The following SLC15A2 variants were observed in gnomAD, a reference collection of about 807,000 sequenced individuals.
SLC15A2 encodes solute carrier family 15 member 2, also known as kidney H(+)/peptide cotransporter.
In SLC15A2, 77 loss-of-function variants were observed where a neutral mutation model predicts 95.5. The ratio of observed to expected loss-of-function variants is 0.81; its 90% CI spans 0.67 to 0.97. The LOEUF is 0.97. SLC15A2 is among the 50% of genes least tolerant of loss of function. The pLI, the probability that SLC15A2 is intolerant of heterozygous loss-of-function variation, is 0.00. For synonymous variants in SLC15A2, 306 were observed against 306.9 expected (o/e 1.00, Z 0.03); for missense variants, 893 against 874.4 (o/e 1.02, Z -0.27).
In SLC15A2 at chr3:121,929,286, C is replaced by T; in HGVS notation, c.1507-16C>T. 6.2e-7 allele frequency: 1 copy of T among 1,613,412 alleles called. No individual in the cohort carries two copies. The highest frequency in any genetic ancestry group is 8.5e-7 in the Non-Finnish European group (1 of 1,179,636). Reference sequence around the variant, plus strand: ...TTTCATCAGCTGTTACTGATTTTTACTTTCCTCTGTTGTAGGTAAAGGATA... The same window carrying T: ...TTTCATCAGCTGTTACTGATTTTTATTTTCCTCTGTTGTAGGTAAAGGATA... On this transcript the variant is annotated splice_polypyrimidine_tract_variant and intron_variant, in intron 16 of 21. Transcript: ENST00000489711.
rs764344162 is a variant in SLC15A2 at position 121,897,561 on chromosome 3, G to C, written c.335+32G>C. 5.6e-6 allele frequency: 9 copies of C among 1,611,176 alleles called. No homozygotes were observed. The East Asian group carries it at 2.0e-4, about 36-fold the overall frequency. On this transcript the variant is annotated intron_variant, in intron 3 of 21. Coordinates refer to ENST00000489711, the MANE Select transcript of SLC15A2 (RefSeq NM_021082.4). ...AAGATGGGAGGTCACATCCCTACAA[G>C]TTTCACAGGTTGTGCAGAAGGCTAT...
chr3:121,900,959 G>A (rs1433965613), intron 3 of SLC15A2, among the ~76,000 whole-genome samples: 1 of 149,390 alleles, frequency 6.7e-6, no homozygotes, highest in South Asian at 2.1e-4. Flanking sequence ...ACCCACCCCA[G>A]TCATTTATAT....
rs143831416 is a variant in SLC15A2, at chr3:121,895,898, C to A, written c.106-508C>A. 3.9e-5 allele frequency among the ~76,000 whole-genome samples: 6 copies of A among 152,268 alleles called. No homozygotes were observed. The East Asian group carries it at 1.2e-3, about 29-fold the overall frequency. ...CTGTCCTCCATGTTGGGCTCTGTGC[C>A]TGACTCCAGCAGCCTCTGAAGTAGA... On this transcript the variant is annotated intron_variant, in intron 1 of 21. Transcript: ENST00000489711.
intron 13 of SLC15A2, among the ~76,000 whole-genome samples, chr3:121,926,687 A>C (rs984230825): frequency 6.6e-6 from 1 of 152,218 alleles, no homozygotes; most frequent in Non-Finnish European, 1.5e-5. Flanking sequence ...CCACAAGGAC[A>C]CTGCCTAGTG....
intron 19 of SLC15A2, among the ~76,000 whole-genome samples, chr3:121,936,480 T>G (rs1219729995): frequency 2.6e-5 from 4 of 152,122 alleles, no homozygotes; most frequent in Admixed American, 6.6e-5. Context: ...TTAGGATAGT[T>G]AGCTCTTCTT....
chr3:121,928,838 A>G (rs1190359505), intron 15 of SLC15A2, 144 bp from the exon 16 acceptor site: 4 of 899,096 alleles, frequency 4.4e-6, no homozygotes. Flanking sequence ...GTAAATTCCA[A>G]GAAATAAAAT....
At chr3:121,919,217 G>T (rs191602775) in intron 7 of SLC15A2, among the ~76,000 whole-genome samples, 1 of 152,202 alleles carries the variant, frequency 6.6e-6, no homozygotes, top group Non-Finnish European at 1.5e-5. Context: ...GAGCGGGAGC[G>T]TGTTACGGCT....
At chr3:121,920,702 AT>A (rs1395421216) in intron 7 of SLC15A2, among the ~76,000 whole-genome samples, 1 of 152,222 alleles carries the variant, frequency 6.6e-6, no homozygotes, top group Non-Finnish European at 1.5e-5. Flanking sequence ...AAAGGATGCT[AT>A]TTGGAGAAGC....
intron 17 of SLC15A2, among the ~76,000 whole-genome samples, chr3:121,930,566 G>A (rs1036515771): frequency 6.6e-6 from 1 of 152,212 alleles, no homozygotes; most frequent in African/African-American, 2.4e-5. Context: ...GAATGATCAT[G>A]ATAGTGTCCG....
chr3:121,930,742 A>G (rs953285307), intron 17 of SLC15A2, 98 bp from the exon 18 acceptor site: 3 of 681,790 alleles, frequency 4.4e-6, no homozygotes, highest in South Asian at 3.7e-5. Flanking sequence ...GCACCTGGGC[A>G]CTGGGGATAT....
chr3:121,937,893 G>C (rs895647336), intron 19 of SLC15A2, among the ~76,000 whole-genome samples: 3 of 151,496 alleles, frequency 2.0e-5, no homozygotes, highest in African/African-American at 7.3e-5. Context: ...CATCTTTGTG[G>C]TTTTATCTAC....
Position 121,941,134 on chromosome 3 carries a change from A to G in SLC15A2, c.*127A>G. The G allele has an allele frequency of 2.4e-6, 2 of 827,534 alleles. No homozygotes were observed. The highest frequency in any genetic ancestry group is 4.3e-5 in the South Asian group (2 of 47,032). 51.3% of individuals were successfully genotyped at this position (827,534 alleles called of 1,614,324 possible). A position where few individuals can be genotyped will look rare whatever the true frequency, so the allele number is the denominator to read the frequency against. On this transcript the variant is annotated 3_prime_UTR_variant, in exon 22 of 22. Coordinates refer to ENST00000489711, the MANE Select transcript of SLC15A2 (RefSeq NM_021082.4). ...TGATCTCCTCCACCTTTCTCCAATG[A>G]CAGAAGTTCCAGGACTGGTTTTCCA... is the stretch of plus-strand genomic sequence containing the variant.
rs1710454112 is a variant in SLC15A2 at position 121,941,014 on chromosome 3, C to T, written c.*7C>T. The T allele has an allele frequency of 6.2e-7, 1 of 1,611,244 alleles. No individual in the cohort carries two copies. The highest frequency in any genetic ancestry group is 1.7e-5 in the Admixed American group (1 of 59,722). ...CAAGAAGACAAAACTCTGATGACTCCCTAGATTCTGTCCTGACCCCAATTC... is the reference window on the plus strand; with the variant it reads ...CAAGAAGACAAAACTCTGATGACTCTCTAGATTCTGTCCTGACCCCAATTC... On this transcript the variant is annotated 3_prime_UTR_variant, in exon 22 of 22. Transcript: ENST00000489711.
Position 121,941,034 on chromosome 3 carries a change from C to A in SLC15A2, c.*27C>A. 1 of 1,596,424 alleles carries A rather than the reference C, an allele frequency of 6.3e-7. No individual in the cohort carries two copies. The highest frequency in any genetic ancestry group is 8.5e-7 in the Non-Finnish European group (1 of 1,172,478). ...GACTCCCTAGATTCTGTCCTGACCC[C>A]AATTCCTGGCCCTGTCTTGAAGCAT... is the stretch of plus-strand genomic sequence containing the variant. On this transcript the variant is annotated 3_prime_UTR_variant, in exon 22 of 22. Transcript: ENST00000489711.
At chr3:121,903,649 T>C (rs923122308) in intron 3 of SLC15A2, among the ~76,000 whole-genome samples, 4 of 152,170 alleles carry the variant, frequency 2.6e-5, no homozygotes, top group African/African-American at 9.7e-5. Flanking sequence ...TTGTCAAAGA[T>C]CAGATGGTTG....
chr3:121,904,711 A>G (rs1475511227), intron 3 of SLC15A2, among the ~76,000 whole-genome samples: 1 of 152,214 alleles, frequency 6.6e-6, no homozygotes, highest in Non-Finnish European at 1.5e-5. Context: ...CGACTTGATC[A>G]TGGTGGATAA....
intron 3 of SLC15A2, among the ~76,000 whole-genome samples, chr3:121,901,005 G>GTA (rs1337678297): frequency 6.7e-6 from 1 of 148,914 alleles, no homozygotes; most frequent in African/African-American, 2.5e-5. Context: ...TAATATATAA[G>GTA]TATATATATA....
chr3:121,905,630 T>G (rs1709622253), intron 3 of SLC15A2, among the ~76,000 whole-genome samples: 1 of 152,212 alleles, frequency 6.6e-6, no homozygotes, highest in South Asian at 2.1e-4. Context: ...CAGGAGCAGG[T>G]TGTTCAGTTT....
intron 19 of SLC15A2, among the ~76,000 whole-genome samples, chr3:121,938,406 A>G (rs1241027896): frequency 2.6e-5 from 4 of 152,154 alleles, no homozygotes; most frequent in African/African-American, 7.2e-5. Flanking sequence ...CTGTGCTAGC[A>G]ATCAGCGAGA....
Sources: allele counts gnomAD v4.1 joint callset (sites outside exome capture counted in the v4.1 genomes callset), GRCh38; gene constraint gnomAD v4.1.1; transcripts MANE v1.5; gene names NCBI Gene and HGNC (gene_info 2026-07-23, HGNC 2026-07-21).